The following WNT9B variants were observed in gnomAD, a reference collection of about 807,000 sequenced individuals.
WNT9B encodes the protein Wnt family member 9B.
WNT9B carries 12 observed loss-of-function variants against 30.2 expected under a neutral mutation model. That is an observed-to-expected ratio of 0.40 (90% CI 0.26 to 0.64). The LOEUF (loss-of-function observed/expected upper bound fraction) is 0.64, where lower values mean the gene tolerates loss of function less well. Ranked by LOEUF, WNT9B falls within the 30% of genes least tolerant of loss-of-function variation. The pLI, the probability that WNT9B is intolerant of heterozygous loss-of-function variation, is 0.42. For missense variants in WNT9B, 442 were observed against 485.2 expected, an observed-to-expected ratio of 0.91 and a Z score of 0.84; for synonymous variants, 218 against 216.9, an observed-to-expected ratio of 1.01 and a Z score of -0.05.
chr17:46,872,810 G>A, intron 2 of WNT9B, 37 bp downstream of exon 2: 1 of 1,488,512 alleles, frequency 6.7e-7, no homozygotes. Flanking sequence ...AGGGCTGGGG[G>A]AAGAAGCCTT....
intron 1 of WNT9B, among the ~76,000 whole-genome samples, chr17:46,838,775 C>A (rs1158562077): frequency 6.6e-6 from 1 of 152,032 alleles, no homozygotes; most frequent in Non-Finnish European, 1.5e-5. Flanking sequence ...CCATAAAAAT[C>A]CGGGTTTACA....
chr17:46,854,373 A>G (rs1029299383), intron 1 of WNT9B, among the ~76,000 whole-genome samples: 5 of 152,230 alleles, frequency 3.3e-5, no homozygotes, highest in Non-Finnish European at 5.9e-5. Context: ...TGGCATCCTG[A>G]TAAGAGAATA....
intron 1 of WNT9B, among the ~76,000 whole-genome samples, chr17:46,863,958 G>A (rs935389788): frequency 4.6e-5 from 7 of 152,184 alleles, no homozygotes; most frequent in African/African-American, 1.7e-4. Flanking sequence ...TGGGCCATCC[G>A]TGGGGCCTGC....
At chr17:46,858,560 G>C (rs981146610) in intron 1 of WNT9B, among the ~76,000 whole-genome samples, 3 of 151,952 alleles carry the variant, frequency 2.0e-5, no homozygotes, top group African/African-American at 7.3e-5. Flanking sequence ...TTTTGAGTAA[G>C]CCTGGAGCCT....
downstream of WNT9B, among the ~76,000 whole-genome samples, chr17:46,881,924 T>C (rs2085428125): frequency 6.6e-6 from 1 of 152,202 alleles, no homozygotes. Flanking sequence ...CTAAGAGATG[T>C]AACATTGACA....
chr17:46,875,700 G>A (rs2085334060), intron 3 of WNT9B, among the ~76,000 whole-genome samples: 1 of 152,192 alleles, frequency 6.6e-6, no homozygotes, highest in African/African-American at 2.4e-5. Context: ...GGCCTTCCTG[G>A]AGGTCCTGGA....
intron 1 of WNT9B, among the ~76,000 whole-genome samples, chr17:46,839,092 G>A (rs187106144): frequency 4.6e-5 from 7 of 152,194 alleles, no homozygotes; most frequent in Non-Finnish European, 1.0e-4. Context: ...TGGCCAAGCT[G>A]GTCTCGAACT....
intron 1 of WNT9B, among the ~76,000 whole-genome samples, chr17:46,845,780 G>A (rs2084768835): frequency 7.5e-6 from 1 of 134,202 alleles, no homozygotes; most frequent in Non-Finnish European, 1.5e-5. Context: ...GAGCCACTGT[G>A]CTGGCTTTTT....
chr17:46,833,517 G>A (rs1218054145), intron 1 of WNT9B: 1 of 444,882 alleles, frequency 2.2e-6, no homozygotes, highest in Admixed American at 2.4e-5. Context: ...ACTTCTCTCT[G>A]AGCTTTCCGA....
Position 46,880,520 on chromosome 17 carries a change from G to A in WNT9B, c.*3802G>A, listed in dbSNP as rs1198621935. Among the ~76,000 whole-genome samples, 2 of 152,216 alleles carry A rather than the reference G, an allele frequency of 1.3e-5. No individual in the cohort carries two copies. The highest frequency in any genetic ancestry group is 2.9e-5 in the Non-Finnish European group (2 of 68,038). ...ATGGGGCTGACATCCTAGTGGGTGA[G>A]AAAGACAATAAACCAATAAATGACA... On this transcript the variant is annotated 3_prime_UTR_variant, in exon 4 of 4. Coordinates refer to ENST00000290015, the MANE Select transcript of WNT9B (RefSeq NM_003396.3).
At chr17:46,849,219 G>C (rs1309736191), upstream of WNT9B, among the ~76,000 whole-genome samples, 2 of 152,238 alleles carry the variant, frequency 1.3e-5, no homozygotes, top group East Asian at 3.8e-4. Flanking sequence ...TCACTCTCCA[G>C]CCACTGATGT....
At chr17:46,844,307 T>TTC (rs1205203008) in intron 1 of WNT9B, among the ~76,000 whole-genome samples, 1 of 47,490 alleles carries the variant, frequency 2.1e-5, no homozygotes, top group Non-Finnish European at 3.9e-5. Context: ...TTAGCCACCT[T>TTC]TTTTTTTTTT....
At chr17:46,882,240 A>G (rs913892596), downstream of WNT9B, among the ~76,000 whole-genome samples, 4 of 152,124 alleles carry the variant, frequency 2.6e-5, no homozygotes, top group Non-Finnish European at 5.9e-5. Flanking sequence ...CGTTGTTTTC[A>G]TGTCTCTCCA....
chr17:46,847,048 T>C (rs551422079), upstream of WNT9B, among the ~76,000 whole-genome samples: 1 of 152,358 alleles, frequency 6.6e-6, no homozygotes, highest in South Asian at 2.1e-4. Flanking sequence ...CTTTCAGTAA[T>C]TTTTTTCATT....
intron 1 of WNT9B, among the ~76,000 whole-genome samples, chr17:46,859,850 T>C (rs1371020441): frequency 6.6e-6 from 1 of 152,240 alleles, no homozygotes. Context: ...TATTTAGAGC[T>C]TTTGTAATTT....
intron 3 of WNT9B, among the ~76,000 whole-genome samples, 173 bp downstream of exon 3, chr17:46,875,539 G>C (rs2085331051): frequency 6.6e-6 from 1 of 152,172 alleles, no homozygotes; most frequent in Non-Finnish European, 1.5e-5. Context: ...ATCTACTCTG[G>C]GCTGTGACTG....
chr17:46,837,360 A>C (rs2084646182), intron 1 of WNT9B, among the ~76,000 whole-genome samples: 1 of 152,180 alleles, frequency 6.6e-6, no homozygotes, highest in Admixed American at 6.5e-5. Context: ...AGCCAAATGC[A>C]GATGCTTCTT....
upstream of WNT9B, chr17:46,851,549 C>T (rs562011108): frequency 1.9e-5 from 13 of 683,206 alleles, no homozygotes; most frequent in African/African-American, 5.7e-5. The surrounding 1 kb of genome is among the most constrained non-coding windows in gnomAD (Gnocchi z 4.3). Context: ...CCCGCCCCAC[C>T]CGGGTTTAAA....
rs145947242 is a variant in WNT9B at position 46,872,752 on chromosome 17, A to C, written c.313A>C (p.Arg105=). 9 of 1,427,928 alleles carry C rather than the reference A, an allele frequency of 6.3e-6. No homozygotes were observed. The African/African-American group carries it at 1.2e-4, about 18-fold the overall frequency. 88.5% of individuals were successfully genotyped at this position (1,427,928 alleles called of 1,614,324 possible). A position where few individuals can be genotyped will look rare whatever the true frequency, so the allele number is the denominator to read the frequency against. Residue 105 remains arginine, a synonymous_variant, in exon 2 of 4, where the codon AGG becomes CGG. Coordinates refer to ENST00000290015, the MANE Select transcript of WNT9B (RefSeq NM_003396.3). ...GCGCTGGAACTGTAGCCTGGAGGGC[A>C]GGATGGGCCTGCTCAAGAGAGGTGG... ...HERWNCSLEG[R]MGLLKRGFKE...
Sources: gnomAD v4.1 joint callset for allele counts (sites outside exome capture counted in the v4.1 genomes callset) on GRCh38, gnomAD v4.1.1 for gene constraint, Gnocchi (gnomAD v3.1) non-coding constraint, MANE v1.5 for transcripts, NCBI Gene and HGNC (gene_info 2026-07-23, HGNC 2026-07-21) for gene names.